ARMC2: variants seen among roughly 807,000 people sequenced by gnomAD.
The protein encoded by ARMC2 is armadillo repeat-containing protein 2.
ARMC2 carries 67 observed loss-of-function variants against 90.3 expected under a neutral mutation model. The ratio of observed to expected loss-of-function variants is 0.74; its 90% confidence interval spans 0.61 to 0.91. The LOEUF (loss-of-function observed/expected upper bound fraction) is 0.91, where lower values mean the gene tolerates loss of function less well. Ranked by LOEUF, ARMC2 falls within the 40% of genes least tolerant of loss-of-function variation. The probability of loss-of-function intolerance (pLI) is 0.00; values close to 1 mark genes in which losing one functional copy is unlikely to be tolerated. For synonymous variants in ARMC2, 393 were observed against 393.0 expected (o/e 1.00, Z 0.00); for missense variants, 920 against 1,030.9 (o/e 0.89, Z 1.47).
At chr6:108,884,553 T>C (rs1260893471) in intron 5 of ARMC2, among the ~76,000 whole-genome samples, 1 of 152,038 alleles carries the variant, frequency 6.6e-6, no homozygotes, top group East Asian at 1.9e-4. Context: ...TTGATTTTCG[T>C]GAGGGATGGA....
chr6:108,933,072 A>T (rs1394596003), intron 11 of ARMC2, among the ~76,000 whole-genome samples: 1 of 144,230 alleles, frequency 6.9e-6, no homozygotes, highest in African/African-American at 2.6e-5. Flanking sequence ...GTTAAATTTT[A>T]AAATAGTTTT....
chr6:108,921,045 ATTAG>A (rs959067674), intron 10 of ARMC2, among the ~76,000 whole-genome samples: 1 of 152,180 alleles, frequency 6.6e-6, no homozygotes, highest in African/African-American at 2.4e-5. Flanking sequence ...CTGTAGATCT[ATTAG>A]TTGTGGCAGT....
the ARMC2 span, chr6:108,986,383 C>G: frequency 6.6e-6 from 1 of 151,742 alleles, no homozygotes; most frequent in Non-Finnish European, 1.5e-5. Flanking sequence ...GATAGAAACT[C>G]AAAATTATTA....
At chr6:108,849,232 T>C (rs1045413579) in intron 1 of ARMC2, among the ~76,000 whole-genome samples, 1 of 152,260 alleles carries the variant, frequency 6.6e-6, no homozygotes, top group African/African-American at 2.4e-5. Context: ...CACCCTGATT[T>C]ATAATAATTA....
chr6:108,965,053 A>T lies in ARMC2; in HGVS notation c.2359A>T (p.Asn787Tyr). 1.2e-6 allele frequency: 2 copies of T among 1,613,758 alleles called. No individual in the cohort carries two copies. The highest frequency in any genetic ancestry group is 1.7e-6 in the Non-Finnish European group (2 of 1,179,704). ...CTGCTTGGTTTGTAAAACTTTATGG[A>T]ACTTCAGTGAAAACATCACTAATGC... The part of the protein sequence containing the change: ...LACLVCKTLW[N>Y]FSENITNASS... Residue 787 changes from asparagine to tyrosine, a missense_variant, in exon 17 of 18, where the codon AAC (asparagine) becomes TAC (tyrosine). By Grantham distance (143) the Asn-to-Tyr change is moderately radical. Coordinates refer to ENST00000392644, the MANE Select transcript of ARMC2 (RefSeq NM_032131.6).
chr6:108,981,829 G>A, the ARMC2 span, among the ~76,000 whole-genome samples: 1 of 151,844 alleles, frequency 6.6e-6, no homozygotes. Context: ...ACCATGCCTG[G>A]CTAATTTTTG....
the ARMC2 span, among the ~76,000 whole-genome samples, chr6:109,046,602 G>C: frequency 2.1e-5 from 3 of 140,860 alleles, no homozygotes; most frequent in Non-Finnish European, 3.1e-5. Flanking sequence ...AGTGAGGAGC[G>C]TCTGCGCCCG....
At chr6:108,990,440 T>C in the ARMC2 span, among the ~76,000 whole-genome samples, 2 of 152,132 alleles carry the variant, frequency 1.3e-5, no homozygotes, top group South Asian at 2.1e-4. Flanking sequence ...GGTCCCTAAC[T>C]CTCCCTCCTG....
chr6:108,979,638 G>C, the ARMC2 span, among the ~76,000 whole-genome samples: 1 of 152,056 alleles, frequency 6.6e-6, no homozygotes, highest in Non-Finnish European at 1.5e-5. Flanking sequence ...CCAATCAGAC[G>C]TAGATTTGGT....
At chr6:108,884,093 C>A (rs1047278179) in intron 5 of ARMC2, among the ~76,000 whole-genome samples, 1 of 152,090 alleles carries the variant, frequency 6.6e-6, no homozygotes, top group Non-Finnish European at 1.5e-5. Context: ...GAGAAACTTT[C>A]CATTTGGAAA....
the ARMC2 span, among the ~76,000 whole-genome samples, chr6:109,020,384 G>A: frequency 6.6e-6 from 1 of 152,000 alleles, no homozygotes; most frequent in South Asian, 2.1e-4. Flanking sequence ...TAAAATAATA[G>A]TGTATTTTTA....
chr6:108,894,033 C>T (rs1458021503), intron 5 of ARMC2, among the ~76,000 whole-genome samples: 3 of 152,030 alleles, frequency 2.0e-5, no homozygotes, highest in African/African-American at 7.2e-5. Context: ...ATATAGAGCA[C>T]CAAACCCCAT....
intron 10 of ARMC2, among the ~76,000 whole-genome samples, chr6:108,925,030 G>A (rs1300763168): frequency 6.6e-6 from 1 of 152,160 alleles, no homozygotes; most frequent in African/African-American, 2.4e-5. Flanking sequence ...ACAGAGGCTG[G>A]TCCCCTTCCA....
In ARMC2 at chr6:108,894,507, A is replaced by G. The variant is rs774508939; in HGVS notation, c.712A>G (p.Ser238Gly). 1.2e-6 allele frequency: 2 copies of G among 1,611,704 alleles called. No homozygotes were observed. The highest frequency in any genetic ancestry group is 2.7e-5 in the African/African-American group (2 of 74,666). ...ACATGCGAGGGCCTCATCATGCCCC[A>G]GTAGCTCAGACCTGAGCAGGCTGCA... is the stretch of plus-strand genomic sequence containing the variant. ...KRHARASSCP[S>G]SSDLSRLQTK... Residue 238 changes from serine to glycine, a missense_variant, in exon 6 of 18, where the codon AGT (serine) becomes GGT (glycine). By Grantham distance (56) the Ser-to-Gly change is moderately conservative (BLOSUM62 0). Transcript: ENST00000392644.
chr6:108,910,348 C>G (rs1245778912), intron 8 of ARMC2, among the ~76,000 whole-genome samples: 2 of 152,250 alleles, frequency 1.3e-5, no homozygotes, highest in Admixed American at 6.5e-5. Flanking sequence ...CCCAGCTGCT[C>G]TGGCGGCTGA....
intron 10 of ARMC2, among the ~76,000 whole-genome samples, chr6:108,915,386 A>G (rs971062813): frequency 9.9e-5 from 15 of 152,200 alleles, no homozygotes; most frequent in Non-Finnish European, 7.3e-5. Flanking sequence ...CAAGCAGGCA[A>G]CATCTAGTGG....
intron 12 of ARMC2, among the ~76,000 whole-genome samples, chr6:108,945,402 A>G (rs909641411): frequency 6.6e-6 from 1 of 152,216 alleles, no homozygotes; most frequent in African/African-American, 2.4e-5. Context: ...GACTGGCAAT[A>G]TTTTGCAAAG....
At position 108,938,415 on chromosome 6, in the gene ARMC2, A is replaced by AT. The variant is rs34837816; in HGVS notation, c.1596+1433dup. 5.7e-3 allele frequency among the ~76,000 whole-genome samples: 808 copies of AT among 141,468 alleles called. 5 individuals carry two copies. The highest frequency in any genetic ancestry group is 0.019 in the African/African-American group (726 of 38,420). The allele number at this position is 141,468 out of a possible 152,430, so 92.8% of individuals were successfully genotyped here. A position where few individuals can be genotyped will look rare whatever the true frequency, so the allele number is the denominator to read the frequency against. On this transcript the variant is annotated intron_variant, in intron 12 of 17. Transcript: ENST00000392644. ...AGGCATGTGCCACCACACCTGGCTA[A>AT]TTTTTTTTTTTTTTTTTGGTAGAGA...
intron 4 of ARMC2, among the ~76,000 whole-genome samples, chr6:108,871,503 T>C (rs558946908): frequency 6.6e-6 from 1 of 152,192 alleles, no homozygotes; most frequent in Admixed American, 6.5e-5. Context: ...GCACTTCTTA[T>C]GAACAGGATG....
Sources: gnomAD v4.1 joint callset for allele counts (sites outside exome capture counted in the v4.1 genomes callset) on GRCh38, gnomAD v4.1.1 for gene constraint, MANE v1.5 for transcripts, NCBI Gene and HGNC (gene_info 2026-07-23, HGNC 2026-07-21) for gene names.